Variants in ADARB2 observed in about 807,000 individuals in gnomAD.
ADARB2 encodes the protein adenosine deaminase RNA specific B2 (inactive).
ADARB2 carries 25 observed loss-of-function variants against 62.2 expected under a neutral mutation model. The observed-to-expected ratio is 0.40, with a 90% CI of 0.29 to 0.56. The LOEUF (loss-of-function observed/expected upper bound fraction) is 0.56, where lower values mean the gene tolerates loss of function less well. Among genes scored for constraint, ADARB2 ranks in the 20% least tolerant of loss-of-function variants. The pLI is 0.43. For missense variants in ADARB2, 1,071 were observed against 1,077.4 expected (o/e 0.99, Z 0.08); for synonymous variants, 572 against 500.8 (o/e 1.14, Z -1.90).
chr10:1,645,341 G>T (rs567688033), intron 1 of ADARB2, among the ~76,000 whole-genome samples: 1 of 152,344 alleles, frequency 6.6e-6, no homozygotes, highest in South Asian at 2.1e-4. Context: ...CCTACTGGGA[G>T]GTTAGATGGA....
intron 3 of ADARB2, among the ~76,000 whole-genome samples, chr10:1,298,756 T>TAGA (rs1831546987): frequency 1.9e-5 from 1 of 51,998 alleles, no homozygotes; most frequent in African/African-American, 6.3e-5. Flanking sequence ...TTTTTTTTTT[T>TAGA]TTTTTTTTTT....
intron 1 of ADARB2, among the ~76,000 whole-genome samples, chr10:1,528,240 C>T (rs61831922): frequency 0.041 from 6,298 of 152,280 alleles, 183 homozygotes; most frequent in Non-Finnish European, 0.06. Context: ...TGTGAGTGCC[C>T]GTGTTCACTT....
At chr10:1,266,422 T>C (rs1417405899) in intron 4 of ADARB2, among the ~76,000 whole-genome samples, 24 of 145,954 alleles carry the variant, frequency 1.6e-4, no homozygotes, top group Non-Finnish European at 4.4e-5. Context: ...GCATGAAAGA[T>C]GGAGTCCCAC....
At chr10:1,383,256 G>A (rs1832499542) in intron 1 of ADARB2, among the ~76,000 whole-genome samples, 1 of 152,098 alleles carries the variant, frequency 6.6e-6, no homozygotes, top group Non-Finnish European at 1.5e-5. Context: ...TTCATATTAC[G>A]ACCGTTTGGG....
chr10:1,245,145 T>G (rs1054690915), intron 4 of ADARB2, among the ~76,000 whole-genome samples: 1 of 151,876 alleles, frequency 6.6e-6, no homozygotes, highest in Non-Finnish European at 1.5e-5. Flanking sequence ...GCATGAGGAC[T>G]TAGGAAGCAC....
intron 1 of ADARB2, among the ~76,000 whole-genome samples, chr10:1,728,257 C>A (rs184885937): frequency 2.5e-4 from 38 of 152,250 alleles, no homozygotes; most frequent in African/African-American, 8.7e-4. Flanking sequence ...TGATGTTTTG[C>A]AATTTTTACA....
chr10:1,403,106 G>A (rs547122384), intron 1 of ADARB2, among the ~76,000 whole-genome samples: 22 of 152,348 alleles, frequency 1.4e-4, no homozygotes, highest in Admixed American at 7.8e-4. Context: ...AGCCGGAGGT[G>A]GGGATGGAGA....
chr10:1,367,543 G>A (rs1442320602), intron 2 of ADARB2, among the ~76,000 whole-genome samples: 3 of 152,156 alleles, frequency 2.0e-5, no homozygotes, highest in African/African-American at 4.8e-5. Flanking sequence ...TGCACTTTGG[G>A]TATACATATA....
At chr10:1,490,442 A>C (rs80303204) in intron 1 of ADARB2, among the ~76,000 whole-genome samples, 3,129 of 152,122 alleles carry the variant, frequency 0.021, 73 homozygotes, top group South Asian at 0.055. Context: ...TACTGCTTTT[A>C]ATTTTTATTT....
chr10:1,595,518 G>A (rs558310518), intron 1 of ADARB2, among the ~76,000 whole-genome samples: 21 of 152,262 alleles, frequency 1.4e-4, no homozygotes, highest in Non-Finnish European at 2.1e-4. Context: ...TCTGCTGGTC[G>A]GAACCATGGC....
intron 1 of ADARB2, among the ~76,000 whole-genome samples, chr10:1,622,289 A>G (rs1833712928): frequency 6.6e-6 from 1 of 152,234 alleles, no homozygotes; most frequent in African/African-American, 2.4e-5. Context: ...TTGGCAAATA[A>G]TTCTTAGACA....
At chr10:1,268,694 AT>A (rs1831230667) in intron 4 of ADARB2, among the ~76,000 whole-genome samples, 1 of 152,168 alleles carries the variant, frequency 6.6e-6, no homozygotes, top group African/African-American at 2.4e-5. Context: ...CACATTTCTA[AT>A]TTTTTAAAAT....
rs1285551517 is a variant in ADARB2, at chr10:1,200,087, C to T, written c.1743G>A (p.Leu581=). ...LLSHFVEPVY[L]QSIVVGSLHH... ...GCAGGCTGCCCACCACGATGCTCTG[C>T]AGGTACACGGGCTCCACGAAGTGGG... Residue 581 remains leucine, a synonymous_variant, in exon 8 of 10, where the codon CTG becomes CTA. Transcript: ENST00000381312. 6.4e-7 allele frequency: 1 copy of T among 1,571,778 alleles called. No individual in the cohort carries two copies. The highest frequency in any genetic ancestry group is 8.6e-7 in the Non-Finnish European group (1 of 1,160,534).
intron 1 of ADARB2, among the ~76,000 whole-genome samples, chr10:1,406,088 C>T (rs1353983539): frequency 6.6e-6 from 1 of 152,250 alleles, no homozygotes; most frequent in Non-Finnish European, 1.5e-5. Context: ...TTACACCCTT[C>T]ACCTGTAGAC....
intron 3 of ADARB2, among the ~76,000 whole-genome samples, chr10:1,282,602 T>C (rs1564245759): frequency 6.6e-6 from 1 of 152,234 alleles, no homozygotes; most frequent in Non-Finnish European, 1.5e-5. Context: ...GGATATAATA[T>C]ATACAGTCAA....
intron 1 of ADARB2, among the ~76,000 whole-genome samples, chr10:1,735,776 C>G (rs1039112862): frequency 6.6e-6 from 1 of 152,180 alleles, no homozygotes; most frequent in African/African-American, 2.4e-5. Context: ...GTTGTGGGGG[C>G]CAATCCCTCC....
intron 1 of ADARB2, among the ~76,000 whole-genome samples, chr10:1,638,345 C>T (rs187154286): frequency 4.6e-5 from 7 of 152,270 alleles, no homozygotes; most frequent in African/African-American, 1.4e-4. Context: ...GCTAAAAGTA[C>T]ATATATTTGA....
intron 6 of ADARB2, among the ~76,000 whole-genome samples, chr10:1,231,387 G>A (rs1830802638): frequency 6.6e-6 from 1 of 152,224 alleles, no homozygotes; most frequent in African/African-American, 2.4e-5. Context: ...CAGTTTTATA[G>A]GGTGAGCTGG....
chr10:1,322,644 G>C (rs1831805476), intron 3 of ADARB2, among the ~76,000 whole-genome samples: 1 of 152,110 alleles, frequency 6.6e-6, no homozygotes, highest in Non-Finnish European at 1.5e-5. Flanking sequence ...AAAATTGACA[G>C]ATCATAAGAG....
Sources: gnomAD v4.1 joint callset for allele counts (sites outside exome capture counted in the v4.1 genomes callset) on GRCh38, gnomAD v4.1.1 for gene constraint, MANE v1.5 for transcripts, NCBI Gene and HGNC (gene_info 2026-07-23, HGNC 2026-07-21) for gene names.